FSTL4: variants seen among roughly 807,000 people sequenced by gnomAD.
The protein encoded by FSTL4 is follistatin-related protein 4.
Under a neutral mutation model 78.2 loss-of-function variants are expected in FSTL4, and 28 were observed. The observed-to-expected ratio is 0.36, with a 90% CI of 0.27 to 0.49. The LOEUF is 0.49. FSTL4 is among the 20% of genes least tolerant of loss of function. The probability of loss-of-function intolerance (pLI) is 0.98; values close to 1 mark genes in which losing one functional copy is unlikely to be tolerated. For synonymous variants in FSTL4, 422 were observed against 440.5 expected, an observed-to-expected ratio of 0.96 and a Z score of 0.53; for missense variants, 922 against 1,084.9, an observed-to-expected ratio of 0.85 and a Z score of 2.11.
At chr5:133,291,263 A>G (rs879377430) in intron 6 of FSTL4, among the ~76,000 whole-genome samples, 3 of 152,134 alleles carry the variant, frequency 2.0e-5, no homozygotes, top group Non-Finnish European at 4.4e-5. Flanking sequence ...GACCTTAGGG[A>G]CTTCTGAAGA....
the FSTL4 span, among the ~76,000 whole-genome samples, chr5:133,701,498 CACACACA>C: frequency 1.5e-5 from 2 of 132,696 alleles, no homozygotes; most frequent in Non-Finnish European, 3.2e-5. Context: ...CACACACACA[CACACACA>C]CACACCCCAC....
intron 3 of FSTL4, among the ~76,000 whole-genome samples, chr5:133,563,420 C>T (rs535012744): frequency 1.4e-4 from 21 of 152,312 alleles, no homozygotes; most frequent in African/African-American, 4.3e-4. Context: ...GAGGCACCAG[C>T]CCAGAAGCAT....
chr5:133,466,493 G>A (rs541535259), intron 3 of FSTL4, among the ~76,000 whole-genome samples: 73 of 151,538 alleles, frequency 4.8e-4, no homozygotes, highest in Non-Finnish European at 8.8e-4. Flanking sequence ...AGTGAGCCGA[G>A]ATAGCGCCAC....
At chr5:133,557,796 C>T (rs1458763489) in intron 3 of FSTL4, among the ~76,000 whole-genome samples, 1 of 152,204 alleles carries the variant, frequency 6.6e-6, no homozygotes, top group East Asian at 1.9e-4. Context: ...CCTCACTGGA[C>T]TATCCAATTA....
intron 4 of FSTL4, among the ~76,000 whole-genome samples, chr5:133,373,689 G>A (rs2126946015): frequency 6.6e-6 from 1 of 152,312 alleles, no homozygotes; most frequent in East Asian, 1.9e-4. Context: ...TTCTTGGGAA[G>A]CCTTGATCAT....
chr5:133,435,517 A>G (rs1580706736), intron 3 of FSTL4, among the ~76,000 whole-genome samples: 1 of 152,216 alleles, frequency 6.6e-6, no homozygotes, highest in East Asian at 1.9e-4. Flanking sequence ...GAGCCACCAT[A>G]TCCAACTGCA....
At chr5:133,380,935 T>A (rs1054793876) in intron 4 of FSTL4, among the ~76,000 whole-genome samples, 17 of 152,166 alleles carry the variant, frequency 1.1e-4, no homozygotes, top group Admixed American at 4.6e-4. Flanking sequence ...GTTTAACATA[T>A]GAAAATCAAT....
intron 4 of FSTL4, among the ~76,000 whole-genome samples, chr5:133,342,067 G>A (rs1323461104): frequency 3.3e-5 from 5 of 152,156 alleles, no homozygotes; most frequent in Non-Finnish European, 7.3e-5. Flanking sequence ...GTCCACAGAG[G>A]CCCCAGGAAT....
chr5:133,819,782 A>T, the FSTL4 span, among the ~76,000 whole-genome samples: 2 of 152,224 alleles, frequency 1.3e-5, no homozygotes, highest in Non-Finnish European at 2.9e-5. Context: ...AGCCTTGCAC[A>T]TAAAGAATAT....
the FSTL4 span, among the ~76,000 whole-genome samples, chr5:133,713,608 C>CAAA: frequency 6.6e-6 from 1 of 152,156 alleles, no homozygotes; most frequent in African/African-American, 2.4e-5. Flanking sequence ...GAGGATCCTT[C>CAAA]CATCTTCCCA....
chr5:133,765,877 T>C, the FSTL4 span, among the ~76,000 whole-genome samples: 3 of 152,168 alleles, frequency 2.0e-5, no homozygotes, highest in Non-Finnish European at 4.4e-5. Context: ...GAATTCCAGC[T>C]GAAATTAAAA....
chr5:133,594,323 T>C (rs1204453827), intron 2 of FSTL4, among the ~76,000 whole-genome samples: 1 of 152,188 alleles, frequency 6.6e-6, no homozygotes, highest in Non-Finnish European at 1.5e-5. Flanking sequence ...CCCAAGTAGC[T>C]GGGATTACAG....
intron 3 of FSTL4, among the ~76,000 whole-genome samples, chr5:133,561,841 T>C (rs1195232523): frequency 2.0e-5 from 3 of 152,072 alleles, no homozygotes; most frequent in African/African-American, 4.8e-5. Context: ...GGGCACCAAA[T>C]CACTACTTAA....
chr5:133,559,973 G>A (rs1485964338), intron 3 of FSTL4, among the ~76,000 whole-genome samples: 5 of 152,156 alleles, frequency 3.3e-5, no homozygotes, highest in South Asian at 2.1e-4. Context: ...TGTGAGAAAC[G>A]GAGAGATGAC....
chr5:133,482,750 A>G (rs1434760870), intron 3 of FSTL4, among the ~76,000 whole-genome samples: 1 of 152,176 alleles, frequency 6.6e-6, no homozygotes, highest in East Asian at 1.9e-4. Context: ...AAGGCCTCCC[A>G]GGGAGGGCAG....
chr5:133,517,422 CAAAAAAAAAA>C (rs34374583), intron 3 of FSTL4, among the ~76,000 whole-genome samples: 2 of 10,604 alleles, frequency 1.9e-4, no homozygotes, highest in African/African-American at 1.5e-3. Context: ...GACTCCATCT[CAAAAAAAAAA>C]AAAAAAAAAA....
At chr5:133,468,865 C>A (rs1343384536) in intron 3 of FSTL4, among the ~76,000 whole-genome samples, 1 of 152,116 alleles carries the variant, frequency 6.6e-6, no homozygotes, top group Non-Finnish European at 1.5e-5. Flanking sequence ...ATACGTTACA[C>A]AATAACACAC....
chr5:133,569,194 T>G (rs1760096306), intron 2 of FSTL4, among the ~76,000 whole-genome samples: 1 of 152,230 alleles, frequency 6.6e-6, no homozygotes, highest in African/African-American at 2.4e-5. Context: ...ATTTGAGTAT[T>G]TATGTAATTT....
chr5:133,827,726 T>C, the FSTL4 span, among the ~76,000 whole-genome samples: 1 of 151,670 alleles, frequency 6.6e-6, no homozygotes, highest in East Asian at 2.0e-4. Flanking sequence ...CCCCAAATTC[T>C]GTACATTGCA....
Sources: gnomAD v4.1 joint callset for allele counts (sites outside exome capture counted in the v4.1 genomes callset) on GRCh38, gnomAD v4.1.1 for gene constraint, MANE v1.5 for transcripts, NCBI Gene and HGNC (gene_info 2026-07-23, HGNC 2026-07-21) for gene names.